SLC9A9: variants seen among roughly 807,000 people sequenced by gnomAD.
SLC9A9 encodes the protein solute carrier family 9 member A9.
Under a neutral mutation model 77.8 loss-of-function variants are expected in SLC9A9, and 62 were observed. The ratio of observed to expected loss-of-function variants is 0.80; its 90% confidence interval spans 0.65 to 0.98. The LOEUF (loss-of-function observed/expected upper bound fraction) is 0.98, where lower values mean the gene tolerates loss of function less well. Among genes scored for constraint, SLC9A9 ranks in the 50% least tolerant of loss-of-function variants. The pLI, the probability that SLC9A9 is intolerant of heterozygous loss-of-function variation, is 0.00. For missense variants in SLC9A9, 775 were observed against 774.9 expected (o/e 1.00, Z 0.00); for synonymous variants, 320 against 283.5 (o/e 1.13, Z -1.29).
chr3:143,297,071 G>GT (rs1433562229), intron 14 of SLC9A9, among the ~76,000 whole-genome samples: 1 of 151,978 alleles, frequency 6.6e-6, no homozygotes, highest in Admixed American at 6.6e-5. Flanking sequence ...TTTACTTCTG[G>GT]TGTCATATCC....
intron 12 of SLC9A9, among the ~76,000 whole-genome samples, chr3:143,398,673 A>G (rs1305515695): frequency 6.6e-6 from 1 of 151,310 alleles, no homozygotes; most frequent in Non-Finnish European, 1.5e-5. Context: ...CTGTTGCTTC[A>G]GGCTATCTAT....
At chr3:143,823,708 A>G (rs1328623243) in intron 2 of SLC9A9, among the ~76,000 whole-genome samples, 1 of 151,832 alleles carries the variant, frequency 6.6e-6, no homozygotes, top group Non-Finnish European at 1.5e-5. Context: ...AAGATTTCAG[A>G]AAAGAGTGGA....
At chr3:143,560,089 T>C (rs1433316404) in intron 8 of SLC9A9, among the ~76,000 whole-genome samples, 1 of 152,226 alleles carries the variant, frequency 6.6e-6, no homozygotes, top group African/African-American at 2.4e-5. Flanking sequence ...GGCCCAAGAA[T>C]CCACAAGGCA....
intron 14 of SLC9A9, among the ~76,000 whole-genome samples, chr3:143,271,317 A>G (rs1212275304): frequency 1.3e-5 from 2 of 152,246 alleles, no homozygotes; most frequent in African/African-American, 4.8e-5. Context: ...TGCAGGCTCC[A>G]GGATTTTGAC....
chr3:143,459,009 G>A (rs527398166), intron 12 of SLC9A9, among the ~76,000 whole-genome samples: 16 of 152,006 alleles, frequency 1.1e-4, no homozygotes, highest in Middle Eastern at 3.4e-3. Flanking sequence ...TCTTTCATCT[G>A]TCATCCTTTA....
intron 4 of SLC9A9, among the ~76,000 whole-genome samples, chr3:143,786,058 T>G (rs2008047166): frequency 6.6e-6 from 1 of 151,810 alleles, no homozygotes; most frequent in Non-Finnish European, 1.5e-5. Flanking sequence ...GGTTTCACCG[T>G]GTTAGCCAGG....
In SLC9A9 at chr3:143,428,576, C is replaced by T. The variant is rs536775693; in HGVS notation, c.1469+38461G>A. Among the ~76,000 whole-genome samples the T allele has an allele frequency of 3.3e-5, 5 of 152,306 alleles. No homozygotes were observed. In the East Asian group the frequency reaches 7.7e-4, roughly 23 times the overall value. ...GAAGTACTATATGATCCAGCAACCC[C>T]ATTAGTGGGTGTGTATCCAAATGAA... On this transcript the variant is annotated intron_variant, in intron 12 of 15. Coordinates refer to ENST00000316549, the MANE Select transcript of SLC9A9 (RefSeq NM_173653.4).
chr3:143,478,980 A>C lies in SLC9A9; in HGVS notation c.1316-11790T>G, dbSNP rs555793120. 4.6e-5 allele frequency among the ~76,000 whole-genome samples: 7 copies of C among 152,360 alleles called. No individual in the cohort carries two copies. In the East Asian group the frequency reaches 1.3e-3, roughly 29 times the overall value. ...GGATATCCTAAAAATCTAAATGTAC[A>C]CAGAAGGCTCCTGAACACAGGGAGA... On this transcript the variant is annotated intron_variant, in intron 11 of 15. Transcript: ENST00000316549.
chr3:143,624,663 T>C (rs2038285497), intron 6 of SLC9A9, among the ~76,000 whole-genome samples: 1 of 152,204 alleles, frequency 6.6e-6, no homozygotes, highest in African/African-American at 2.4e-5. Flanking sequence ...AATATCATAC[T>C]GAATCGGCAA....
chr3:143,786,309 T>G (rs2008055912), intron 4 of SLC9A9, among the ~76,000 whole-genome samples: 1 of 152,260 alleles, frequency 6.6e-6, no homozygotes, highest in African/African-American at 2.4e-5. Flanking sequence ...TTTTTCTTTT[T>G]TACCACAACA....
At chr3:143,317,764 G>C (rs922296011) in intron 14 of SLC9A9, among the ~76,000 whole-genome samples, 6 of 152,066 alleles carry the variant, frequency 3.9e-5, no homozygotes, top group Non-Finnish European at 7.4e-5. Context: ...GTCTCGCTCT[G>C]TCACCCAGGC....
intron 14 of SLC9A9, among the ~76,000 whole-genome samples, chr3:143,288,600 C>A (rs967066638): frequency 6.6e-6 from 1 of 152,088 alleles, no homozygotes; most frequent in South Asian, 2.1e-4. Context: ...GTTGTAGGTA[C>A]GATGATTTCA....
intron 4 of SLC9A9, among the ~76,000 whole-genome samples, chr3:143,781,609 C>T (rs980940202): frequency 6.6e-6 from 1 of 152,304 alleles, no homozygotes; most frequent in East Asian, 1.9e-4. Flanking sequence ...AACAAATTCA[C>T]ATAGGTGTTG....
intron 6 of SLC9A9, among the ~76,000 whole-genome samples, chr3:143,624,566 C>A (rs1171288743): frequency 1.3e-5 from 2 of 150,972 alleles, no homozygotes; most frequent in Non-Finnish European, 3.0e-5. Flanking sequence ...AATTCAACAG[C>A]CCCTCATGCT....
intron 1 of SLC9A9, among the ~76,000 whole-genome samples, chr3:143,834,779 GAGA>G (rs2009527726): frequency 6.6e-6 from 1 of 152,018 alleles, no homozygotes; most frequent in Non-Finnish European, 1.5e-5. Context: ...CTCATTGTTC[GAGA>G]AGAAGCACAT....
intron 6 of SLC9A9, among the ~76,000 whole-genome samples, chr3:143,634,143 C>CTTTTTTTTTTTTTTTTTTTTTTTTT (rs1164545805): frequency 6.8e-6 from 1 of 147,966 alleles, no homozygotes; most frequent in African/African-American, 2.7e-5. Context: ...TCCCATAATC[C>CTTTTTTTTTTTTTTTTTTTTTTTTT]TTTCTTTAAG....
At chr3:143,818,955 T>C (rs2009097179) in intron 2 of SLC9A9, among the ~76,000 whole-genome samples, 1 of 152,114 alleles carries the variant, frequency 6.6e-6, no homozygotes, top group East Asian at 1.9e-4. Flanking sequence ...TGGTTGTGCA[T>C]GCCTGTAATC....
chr3:143,753,947 G>A (rs940940701), intron 4 of SLC9A9, among the ~76,000 whole-genome samples: 2 of 152,128 alleles, frequency 1.3e-5, no homozygotes, highest in Admixed American at 6.5e-5. Flanking sequence ...CACAGGGGAC[G>A]GACCAAAAAT....
intron 13 of SLC9A9, among the ~76,000 whole-genome samples, chr3:143,371,593 C>T: frequency 6.6e-6 from 1 of 152,084 alleles, no homozygotes; most frequent in Non-Finnish European, 1.5e-5. Context: ...CTGGAATTAA[C>T]AGGCAATGGA....
Sources: allele counts gnomAD v4.1 joint callset (sites outside exome capture counted in the v4.1 genomes callset), GRCh38; gene constraint gnomAD v4.1.1; transcripts MANE v1.5; gene names NCBI Gene and HGNC (gene_info 2026-07-23, HGNC 2026-07-21).